Variants in RARB observed in about 807,000 individuals in gnomAD.
The protein encoded by RARB is HBV-activated protein.
In RARB, 17 loss-of-function variants were observed where a neutral mutation model predicts 51.9. That is an observed-to-expected ratio of 0.33 (90% CI 0.22 to 0.49). The LOEUF (loss-of-function observed/expected upper bound fraction) is 0.49, where lower values mean the gene tolerates loss of function less well. RARB is among the 20% of genes least tolerant of loss of function. RARB has a pLI of 0.99. For missense variants in RARB, 369 were observed against 550.8 expected (o/e 0.67, Z 3.30); for synonymous variants, 215 against 195.4 (o/e 1.10, Z -0.84).
intron 2 of RARB, among the ~76,000 whole-genome samples, chr3:24,879,484 A>ATT (rs11417502): frequency 0.044 from 5,341 of 121,402 alleles, 261 homozygotes; most frequent in East Asian, 0.15. Context: ...AAGGATCTCC[A>ATT]TTTTTTTTTT....
intron 2 of RARB, among the ~76,000 whole-genome samples, chr3:25,498,403 T>G (rs1037950340): frequency 6.6e-6 from 1 of 152,336 alleles, no homozygotes; most frequent in East Asian, 1.9e-4. Context: ...AGGGCACGTC[T>G]GTTTACTCAA....
intron 5 of RARB, among the ~76,000 whole-genome samples, chr3:25,341,713 G>A (rs73156029): frequency 0.035 from 5,359 of 152,082 alleles, 312 homozygotes; most frequent in African/African-American, 0.12. Flanking sequence ...GAAAGCCACC[G>A]GTATCTAGTG....
chr3:25,187,756 A>G (rs1701011137), intron 5 of RARB, among the ~76,000 whole-genome samples: 1 of 152,116 alleles, frequency 6.6e-6, no homozygotes, highest in Non-Finnish European at 1.5e-5. Flanking sequence ...TGGAGAAAGA[A>G]AATTAATATC....
At chr3:25,144,380 A>G (rs2125338318) in intron 4 of RARB, among the ~76,000 whole-genome samples, 1 of 152,192 alleles carries the variant, frequency 6.6e-6, no homozygotes, top group South Asian at 2.1e-4. Context: ...AACAGTTTTG[A>G]GGAGGTTCTG....
chr3:25,568,316 C>T (rs1306560227), intron 3 of RARB, among the ~76,000 whole-genome samples: 1 of 152,174 alleles, frequency 6.6e-6, no homozygotes, highest in Non-Finnish European at 1.5e-5. Context: ...TTCTCCAAGA[C>T]TCAGTTTCTT....
At chr3:25,317,673 CA>C (rs1252532050) in intron 5 of RARB, among the ~76,000 whole-genome samples, 1 of 152,032 alleles carries the variant, frequency 6.6e-6, no homozygotes, top group Non-Finnish European at 1.5e-5. Flanking sequence ...CTTTTAGATA[CA>C]TATAGGAAAT....
intron 1 of RARB, among the ~76,000 whole-genome samples, chr3:24,856,538 G>A (rs141870651): frequency 3.9e-5 from 6 of 152,042 alleles, no homozygotes; most frequent in African/African-American, 1.2e-4. Flanking sequence ...CTCCTGATTC[G>A]TTGACTTATG....
chr3:24,933,282 A>AT (rs34814817), intron 2 of RARB, among the ~76,000 whole-genome samples: 19,396 of 149,996 alleles, frequency 0.13, 1,408 homozygotes, highest in Non-Finnish European at 0.16. Flanking sequence ...TTCACTATAC[A>AT]TTTTTTTTTT....
intron 5 of RARB, among the ~76,000 whole-genome samples, chr3:25,189,453 A>G (rs894101902): frequency 6.6e-6 from 1 of 152,116 alleles, no homozygotes; most frequent in Non-Finnish European, 1.5e-5. Flanking sequence ...ACCCTCCCCT[A>G]GGAGCAGGGG....
At chr3:25,248,024 T>C (rs905841056) in intron 5 of RARB, among the ~76,000 whole-genome samples, 2 of 152,216 alleles carry the variant, frequency 1.3e-5, no homozygotes, top group Non-Finnish European at 2.9e-5. Context: ...TTCCTTTAAA[T>C]CTAATATTTG....
At chr3:24,956,878 G>A (rs1050603302) in intron 2 of RARB, among the ~76,000 whole-genome samples, 11 of 152,196 alleles carry the variant, frequency 7.2e-5, no homozygotes, top group Non-Finnish European at 1.5e-4. Flanking sequence ...GTAAGGGAAC[G>A]AGGAAAGCTG....
intron 5 of RARB, among the ~76,000 whole-genome samples, chr3:25,270,005 A>G (rs1703217193): frequency 6.6e-6 from 1 of 152,212 alleles, no homozygotes; most frequent in African/African-American, 2.4e-5. Flanking sequence ...GGGCAAAAAG[A>G]AAATCATATT....
intron 2 of RARB, among the ~76,000 whole-genome samples, chr3:25,059,480 T>C (rs1431854839): frequency 2.6e-5 from 4 of 151,854 alleles, no homozygotes; most frequent in African/African-American, 9.7e-5. Context: ...TTTTAACTTC[T>C]GTCATTTTAG....
At chr3:25,491,084 T>C (rs1696711369) in intron 2 of RARB, among the ~76,000 whole-genome samples, 1 of 152,204 alleles carries the variant, frequency 6.6e-6, no homozygotes, top group Non-Finnish European at 1.5e-5. Flanking sequence ...CCTCATACTC[T>C]TCACCTTCTT....
Position 25,597,775 on chromosome 3 carries a change from AT to A in RARB, c.*1171del, listed in dbSNP as rs10638799. 173 of 149,816 alleles carry A rather than the reference AT, an allele frequency of 1.2e-3. No individual in the cohort carries two copies. The highest frequency in any genetic ancestry group is 3.5e-3 in the Middle Eastern group (1 of 288). 9.3% of individuals were successfully genotyped at this position (149,816 alleles called of 1,614,324 possible). ...TAGTTCTCATTTAAGCACTAGTGGAATTTTTTTTTTTTGATATATTAGCAAG... is the reference window on the plus strand; with the variant it reads ...TAGTTCTCATTTAAGCACTAGTGGAATTTTTTTTTTTGATATATTAGCAAG... On this transcript the variant is annotated 3_prime_UTR_variant, in exon 8 of 8. Coordinates refer to ENST00000330688, the MANE Select transcript of RARB (RefSeq NM_000965.5).
chr3:25,209,511 A>G (rs1037035583), intron 5 of RARB, among the ~76,000 whole-genome samples: 3 of 152,218 alleles, frequency 2.0e-5, no homozygotes, highest in African/African-American at 7.2e-5. Flanking sequence ...TTACAGCACC[A>G]TAGGATGCTT....
intron 2 of RARB, among the ~76,000 whole-genome samples, chr3:25,005,092 C>T (rs1697243360): frequency 6.6e-6 from 1 of 151,928 alleles, no homozygotes; most frequent in South Asian, 2.1e-4. Flanking sequence ...GGTTAGATAC[C>T]ATACATACAT....
chr3:25,076,312 T>C (rs540923594), intron 3 of RARB, among the ~76,000 whole-genome samples: 9 of 152,250 alleles, frequency 5.9e-5, no homozygotes, highest in African/African-American at 2.2e-4. Flanking sequence ...GCTAATTTTT[T>C]GTAATTTTAG....
At chr3:25,282,580 A>C (rs1184185321) in intron 5 of RARB, among the ~76,000 whole-genome samples, 1 of 152,186 alleles carries the variant, frequency 6.6e-6, no homozygotes, top group African/African-American at 2.4e-5. Context: ...GTTCACTGAT[A>C]AGTCCTAAAT....
Sources: gnomAD v4.1 joint callset for allele counts (sites outside exome capture counted in the v4.1 genomes callset) on GRCh38, gnomAD v4.1.1 for gene constraint, MANE v1.5 for transcripts, NCBI Gene and HGNC (gene_info 2026-07-23, HGNC 2026-07-21) for gene names.